The following ABRAXAS1 variants were observed in gnomAD, a reference collection of about 807,000 sequenced individuals.
The protein encoded by ABRAXAS1 is BRCA1-A complex subunit Abraxas 1.
Under a neutral mutation model 38.4 loss-of-function variants are expected in ABRAXAS1, and 26 were observed. The ratio of observed to expected loss-of-function variants is 0.68; its 90% confidence interval spans 0.50 to 0.94. ABRAXAS1 has a LOEUF of 0.94. Among genes scored for constraint, ABRAXAS1 ranks in the 40% least tolerant of loss-of-function variants. The pLI, the probability that ABRAXAS1 is intolerant of heterozygous loss-of-function variation, is 0.00. For missense variants in ABRAXAS1, 438 were observed against 481.9 expected (o/e 0.91, Z 0.85); for synonymous variants, 144 against 165.5 (o/e 0.87, Z 1.00).
intron 2 of ABRAXAS1, chr4:83,477,955 G>A: frequency 2.2e-6 from 2 of 891,424 alleles, no homozygotes; most frequent in South Asian, 2.6e-5. Context: ...AGATTCGAAT[G>A]CAGGCTCAAG....
intron 4 of ABRAXAS1, among the ~76,000 whole-genome samples, chr4:83,471,977 G>A (rs984478042): frequency 6.6e-6 from 1 of 152,164 alleles, no homozygotes; most frequent in Non-Finnish European, 1.5e-5. Context: ...GGAAATATAA[G>A]AGAAAGAGAT....
rs1170639129 is a variant in ABRAXAS1, at chr4:83,461,881, C to T, written c.*588G>A. 4.4e-6 allele frequency: 1 copy of T among 228,648 alleles called. No homozygotes were observed. The highest frequency in any genetic ancestry group is 2.2e-5 in the African/African-American group (1 of 45,080). 14.2% of individuals were successfully genotyped at this position (228,648 alleles called of 1,614,324 possible). A position where few individuals can be genotyped will look rare whatever the true frequency, so the allele number is the denominator to read the frequency against. On this transcript the variant is annotated 3_prime_UTR_variant, in exon 9 of 9. Transcript: ENST00000321945. ...AGATTTAGCAAGTACAAATGTAGGA[C>T]AAATTTAAATTTTAGATGATGTTTT...
intron 2 of ABRAXAS1, among the ~76,000 whole-genome samples, chr4:83,477,286 G>A (rs1236658486): frequency 1.3e-5 from 2 of 151,856 alleles, no homozygotes; most frequent in Non-Finnish European, 2.9e-5. Flanking sequence ...TGGGCGGCAC[G>A]CTAATTTCAA....
chr4:83,462,055 G>C lies in ABRAXAS1; in HGVS notation c.*414C>G, dbSNP rs1722137749. The C allele has an allele frequency of 4.3e-6, 1 of 230,278 alleles. No individual in the cohort carries two copies. The highest frequency in any genetic ancestry group is 8.6e-6 in the Non-Finnish European group (1 of 116,430). 14.3% of individuals were successfully genotyped at this position (230,278 alleles called of 1,614,324 possible). A position where few individuals can be genotyped will look rare whatever the true frequency, so the allele number is the denominator to read the frequency against. On this transcript the variant is annotated 3_prime_UTR_variant, in exon 9 of 9. Coordinates refer to ENST00000321945, the MANE Select transcript of ABRAXAS1 (RefSeq NM_139076.3). ...ATATTTTGAAAATAAGGCTATTCTT[G>C]CTTTTCCATTTTATTTTTTAATAGA...
chr4:83,469,168 TTAGAGTA>T lies in ABRAXAS1; in HGVS notation c.477-24_477-18del. 6.2e-7 allele frequency: 1 copy of T among 1,609,810 alleles called. No individual in the cohort carries two copies. Among genetic ancestry groups the T allele is most frequent in the Non-Finnish European group, 8.5e-7 (1 of 1,176,392 alleles). On this transcript the variant is annotated intron_variant, in intron 5 of 8. Coordinates refer to ENST00000321945, the MANE Select transcript of ABRAXAS1 (RefSeq NM_139076.3). Reference sequence around the variant, plus strand: ...TGAAAAAGTCTGACAAAATAAAACTTTAGAGTATAAACTTAGAATGAAAAGAAAGATT... The same window carrying T: ...TGAAAAAGTCTGACAAAATAAAACTTTAAACTTAGAATGAAAAGAAAGATT...
In ABRAXAS1 at chr4:83,462,679, T is replaced by A; in HGVS notation, c.1020A>T (p.Thr340=). ...AGGCTTTATGCTTAATGATTTGTGG[T>A]GTACTAGCTGGACTAGCTTCAGGAA... The part of the protein sequence containing the change: ...TDIPEASPAS[T]PQIIKHKALD... Residue 340 remains threonine, a synonymous_variant, in exon 9 of 9, where the codon ACA becomes ACT. Coordinates refer to ENST00000321945, the MANE Select transcript of ABRAXAS1 (RefSeq NM_139076.3). The A allele has an allele frequency of 6.2e-7, 1 of 1,613,894 alleles. No individual in the cohort carries two copies. The highest frequency in any genetic ancestry group is 8.5e-7 in the Non-Finnish European group (1 of 1,179,994).
At chr4:83,484,104 G>C in intron 1 of ABRAXAS1, 1 of 945,108 alleles carries the variant, frequency 1.1e-6, no homozygotes, top group South Asian at 4.9e-5. Flanking sequence ...GTGGGCTCAG[G>C]TGATTCACCC....
At position 83,476,627 on chromosome 4, in the gene ABRAXAS1, T is replaced by C. The variant is rs775306058; in HGVS notation, c.215+16A>G. ...TTTTCACAATGGATCATTTACTTAC[T>C]AGCACTACTACTTACCTAAAAAGCT... On this transcript the variant is annotated intron_variant, in intron 3 of 8. Coordinates refer to ENST00000321945, the MANE Select transcript of ABRAXAS1 (RefSeq NM_139076.3). The C allele has an allele frequency of 6.5e-7, 1 of 1,528,372 alleles. No homozygotes were observed. The highest frequency in any genetic ancestry group is 2.3e-5 in the East Asian group (1 of 44,382). 94.7% of individuals were successfully genotyped at this position (1,528,372 alleles called of 1,614,324 possible).
At position 83,469,152 on chromosome 4, in the gene ABRAXAS1, C is replaced by A. The variant is rs1322989143; in HGVS notation, c.477-1G>T. 6.2e-7 allele frequency: 1 copy of A among 1,612,734 alleles called. No homozygotes were observed. The highest frequency in any genetic ancestry group is 1.7e-5 in the Admixed American group (1 of 59,812). On this transcript the variant is annotated splice_acceptor_variant, in intron 5 of 8. Coordinates refer to ENST00000321945, the MANE Select transcript of ABRAXAS1 (RefSeq NM_139076.3). LOFTEE classifies it high-confidence loss of function. ...CACTAAAGGTACCCTGTGAAAAAGTCTGACAAAATAAAACTTTAGAGTATA... is the reference window on the plus strand; with the variant it reads ...CACTAAAGGTACCCTGTGAAAAAGTATGACAAAATAAAACTTTAGAGTATA...
rs568225415 is a variant in ABRAXAS1 at position 83,467,476 on chromosome 4, G to A, written c.659C>T (p.Ala220Val). The A allele has an allele frequency of 4.0e-5, 62 of 1,550,506 alleles. No homozygotes were observed. The highest frequency in any genetic ancestry group is 1.0e-4 in the Admixed American group (6 of 58,974). Residue 220 changes from alanine to valine, a missense_variant, in exon 7 of 9, where the codon GCT becomes GTT. Ala to Val is a moderately conservative substitution (Grantham distance 64, BLOSUM62 0). Around this residue, in one of 3 missense-constraint regions of ABRAXAS1, gnomAD observed 194 missense variants for 269.0 expected, o/e 0.72. Coordinates refer to ENST00000321945, the MANE Select transcript of ABRAXAS1 (RefSeq NM_139076.3). ...KEVHKINEMY[A>V]SLQEELKSIC... is the part of the protein sequence containing the mutation. ...TACCTTTAATTCCTCTTGTAATGAA[G>A]CATACATTTCATTTATCTTATGTAC...
At chr4:83,463,389 C>CA (rs1200195608) in intron 8 of ABRAXAS1, 105 bp downstream of exon 8, 1 of 710,848 alleles carries the variant, frequency 1.4e-6, no homozygotes, top group Non-Finnish European at 2.2e-6. Context: ...GCTGAGATCA[C>CA]ACCTTTGCAC....
intron 2 of ABRAXAS1, chr4:83,478,023 G>C: frequency 1.0e-6 from 1 of 977,122 alleles, no homozygotes; most frequent in Non-Finnish European, 1.6e-6. Flanking sequence ...CAACAGGAAG[G>C]CACCAGGGGT....
rs762424001 is a variant in ABRAXAS1 at position 83,482,216 on chromosome 4, C to A, written c.116G>T (p.Gly39Val). ...TEGFLLGEVK[G>V]EAKNSITDSQ... ...ATCAGTAATGCTGTTCTTGGCTTCA[C>A]CTTTTACTTCCCCAAGAAGAAAACC... Residue 39 changes from glycine to valine, a missense_variant, in exon 2 of 9, where the codon GGT becomes GTT. Physicochemically the swap from Gly to Val is moderately radical, Grantham distance 109. Transcript: ENST00000321945. 17 of 1,611,750 alleles carry A rather than the reference C, an allele frequency of 1.1e-5. No homozygotes were observed. In the African/African-American group the frequency reaches 2.1e-4, roughly 20 times the overall value.
chr4:83,463,470 A>G, intron 8 of ABRAXAS1, 24 bp downstream of exon 8: 6 of 1,463,402 alleles, frequency 4.1e-6, no homozygotes, highest in Non-Finnish European at 5.6e-6. Flanking sequence ...TAGCACAGAA[A>G]GTAGAGATGT....
intron 4 of ABRAXAS1, among the ~76,000 whole-genome samples, chr4:83,470,625 T>C (rs1306655719): frequency 6.6e-6 from 1 of 152,210 alleles, no homozygotes; most frequent in Non-Finnish European, 1.5e-5. Flanking sequence ...CAATATAGAT[T>C]AAAAGGGAGA....
Position 83,471,191 on chromosome 4 carries a change from CTTTTTTTT to C in ABRAXAS1, c.283-803_283-796del, listed in dbSNP as rs869128932. Among the ~76,000 whole-genome samples, 293 of 58,156 alleles carry C rather than the reference CTTTTTTTT, an allele frequency of 5.0e-3. 3 individuals are homozygous for C. The highest frequency in any genetic ancestry group is 0.012 in the African/African-American group (241 of 19,724). 38.2% of individuals were successfully genotyped at this position (58,156 alleles called of 152,430 possible). A position where few individuals can be genotyped will look rare whatever the true frequency, so the allele number is the denominator to read the frequency against. On this transcript the variant is annotated intron_variant, in intron 4 of 8. Coordinates refer to ENST00000321945, the MANE Select transcript of ABRAXAS1 (RefSeq NM_139076.3). ...CAAACATATTTGTTGAAAGAAACAT[CTTTTTTTT>C]TTTTTTTTTTTTTTTTTTTTTTTTG...
chr4:83,478,974 T>C (rs1196676558), intron 2 of ABRAXAS1: 2 of 152,072 alleles, frequency 1.3e-5, no homozygotes, highest in Non-Finnish European at 2.9e-5. Flanking sequence ...TCAGAGAAAA[T>C]GGCCAAGAAA....
intron 8 of ABRAXAS1, among the ~76,000 whole-genome samples, chr4:83,463,201 G>C (rs1026995604): frequency 6.6e-6 from 1 of 151,998 alleles, no homozygotes; most frequent in African/African-American, 2.4e-5. Flanking sequence ...AGGCTGAGGC[G>C]GGTGGATCAC....
chr4:83,484,096 G>T (rs1373040127), intron 1 of ABRAXAS1: 3 of 940,732 alleles, frequency 3.2e-6, no homozygotes, highest in East Asian at 1.2e-4. Context: ...TCGAACTCGT[G>T]GGCTCAGGTG....
Sources: allele counts gnomAD v4.1 joint callset (sites outside exome capture counted in the v4.1 genomes callset), GRCh38; gene constraint gnomAD v4.1.1; regional missense constraint gnomAD v4.1.1; transcripts MANE v1.5; gene names NCBI Gene and HGNC (gene_info 2026-07-23, HGNC 2026-07-21).